The following CWC27 variants were observed in gnomAD, a reference collection of about 807,000 sequenced individuals.
CWC27 encodes the protein CWC27 spliceosome associated cyclophilin, also known as spliceosome-associated protein CWC27 homolog.
CWC27 carries 47 observed loss-of-function variants against 63.6 expected under a neutral mutation model. That is an observed-to-expected ratio of 0.74 (90% CI 0.58 to 0.94). CWC27 has a LOEUF of 0.94. Ranked by LOEUF, CWC27 falls within the 40% of genes least tolerant of loss-of-function variation. The pLI is 0.00. For missense variants in CWC27, 495 were observed against 554.3 expected, an observed-to-expected ratio of 0.89 and a Z score of 1.07; for synonymous variants, 175 against 179.8, an observed-to-expected ratio of 0.97 and a Z score of 0.22.
chr5:64,782,708 G>C (rs1020545635), intron 3 of CWC27, among the ~76,000 whole-genome samples: 1 of 151,958 alleles, frequency 6.6e-6, no homozygotes, highest in Non-Finnish European at 1.5e-5. Context: ...TGAAAAATTC[G>C]TTTTTATATT....
intron 10 of CWC27, among the ~76,000 whole-genome samples, chr5:64,808,888 G>A (rs1744781226): frequency 6.6e-6 from 1 of 152,156 alleles, no homozygotes; most frequent in Admixed American, 6.5e-5. Context: ...CTGGTCTGAG[G>A]TAAAGTCTGG....
At chr5:64,928,433 G>T (rs1748164382) in intron 11 of CWC27, among the ~76,000 whole-genome samples, 1 of 152,162 alleles carries the variant, frequency 6.6e-6, no homozygotes, top group South Asian at 2.1e-4. Flanking sequence ...CAATCTCTGT[G>T]TTGCAGGCTA....
At chr5:65,000,265 T>C (rs984446411) in intron 13 of CWC27, among the ~76,000 whole-genome samples, 5 of 152,114 alleles carry the variant, frequency 3.3e-5, no homozygotes, top group African/African-American at 4.8e-5. Flanking sequence ...TTCATAAATA[T>C]TTTCTACATT....
chr5:64,954,048 A>T (rs914886327), intron 11 of CWC27, among the ~76,000 whole-genome samples: 1 of 152,208 alleles, frequency 6.6e-6, no homozygotes, highest in African/African-American at 2.4e-5. Flanking sequence ...ATATTTATCA[A>T]ATGTGAGATA....
In CWC27 at chr5:64,790,073, G is replaced by C. The variant is rs139138511; in HGVS notation, c.669+1053G>C. 2.5e-3 allele frequency among the ~76,000 whole-genome samples: 380 copies of C among 152,160 alleles called. 1 individual carries two copies. Among genetic ancestry groups the C allele is most frequent in the African/African-American group, 8.6e-3 (359 of 41,528 alleles). ...CTTGCATTAAAATGTAATTAAAATG[G>C]TGTGTATATGAAATATTTTGGTCAT... On this transcript the variant is annotated intron_variant, in intron 7 of 13. Transcript: ENST00000381070.
At chr5:64,953,333 A>G (rs748892323) in intron 11 of CWC27, among the ~76,000 whole-genome samples, 2 of 152,142 alleles carry the variant, frequency 1.3e-5, no homozygotes, top group African/African-American at 2.4e-5. Flanking sequence ...TGTGTTTTCT[A>G]TATCAGAAAG....
At chr5:64,796,997 A>G (rs1449892934) in intron 7 of CWC27, among the ~76,000 whole-genome samples, 2 of 121,216 alleles carry the variant, frequency 1.6e-5, no homozygotes, top group East Asian at 4.7e-4. Flanking sequence ...CCTGTATTCT[A>G]TTTAGTCCCT....
intron 9 of CWC27, among the ~76,000 whole-genome samples, chr5:64,802,302 A>C (rs778254211): frequency 3.9e-5 from 6 of 152,192 alleles, no homozygotes; most frequent in Non-Finnish European, 7.3e-5. Flanking sequence ...GGTCCGAAGC[A>C]GGAGAGTTTG....
At chr5:64,995,906 TA>T (rs1164961063) in intron 13 of CWC27, among the ~76,000 whole-genome samples, 1 of 152,194 alleles carries the variant, frequency 6.6e-6, no homozygotes, top group Non-Finnish European at 1.5e-5. Context: ...ATGGAGTCAA[TA>T]AAAAGGCCTA....
At chr5:64,881,034 GGAT>G (rs948188904) in intron 10 of CWC27, among the ~76,000 whole-genome samples, 4 of 151,708 alleles carry the variant, frequency 2.6e-5, no homozygotes, top group African/African-American at 9.7e-5. Flanking sequence ...CCAGTGGATA[GGAT>G]GATATTCCAA....
At chr5:64,844,568 G>T (rs930478492) in intron 10 of CWC27, among the ~76,000 whole-genome samples, 1 of 152,186 alleles carries the variant, frequency 6.6e-6, no homozygotes, top group South Asian at 2.1e-4. Context: ...GAGAAGTCAA[G>T]CAGCAGCTCC....
chr5:64,922,472 C>T (rs1052033323), intron 11 of CWC27, among the ~76,000 whole-genome samples: 3 of 152,190 alleles, frequency 2.0e-5, no homozygotes, highest in Non-Finnish European at 1.5e-5. Flanking sequence ...TTTTTCATAT[C>T]CAGAAGTTCA....
intron 11 of CWC27, among the ~76,000 whole-genome samples, chr5:64,945,749 G>A (rs1308671086): frequency 6.6e-6 from 1 of 152,166 alleles, no homozygotes; most frequent in Non-Finnish European, 1.5e-5. Flanking sequence ...AATGGTAACA[G>A]TCAATATGAA....
chr5:64,959,516 T>C (rs1013185684), intron 11 of CWC27, among the ~76,000 whole-genome samples: 1 of 152,152 alleles, frequency 6.6e-6, no homozygotes, highest in African/African-American at 2.4e-5. Flanking sequence ...AAAACCACAA[T>C]GAATGGCTGC....
chr5:64,857,381 A>G (rs1580678633), intron 10 of CWC27, among the ~76,000 whole-genome samples: 1 of 152,250 alleles, frequency 6.6e-6, no homozygotes, highest in Non-Finnish European at 1.5e-5. Context: ...AAAAAAGTGG[A>G]CTCCTGAAAA....
chr5:64,911,143 A>T (rs979833392), intron 11 of CWC27, among the ~76,000 whole-genome samples: 1 of 152,152 alleles, frequency 6.6e-6, no homozygotes, highest in Non-Finnish European at 1.5e-5. Flanking sequence ...TGCAAACTTG[A>T]GGATTGATTC....
At chr5:64,866,755 G>A (rs1746539852) in intron 10 of CWC27, among the ~76,000 whole-genome samples, 1 of 152,028 alleles carries the variant, frequency 6.6e-6, no homozygotes, top group Non-Finnish European at 1.5e-5. Flanking sequence ...CCATGTGGTT[G>A]GAGAACATCA....
chr5:64,787,408 C>CTTGTTTGTTT (rs1307140829), intron 6 of CWC27, among the ~76,000 whole-genome samples: 2 of 151,896 alleles, frequency 1.3e-5, no homozygotes, highest in African/African-American at 2.4e-5. Flanking sequence ...TGTTGAGAAA[C>CTTGTTTGTTT]TTGTTTGTTG....
chr5:64,869,004 T>A (rs763222849), intron 10 of CWC27, among the ~76,000 whole-genome samples: 4 of 152,092 alleles, frequency 2.6e-5, no homozygotes. Flanking sequence ...TATGTGTATG[T>A]ACACATACTT....
Sources: allele counts gnomAD v4.1 joint callset (sites outside exome capture counted in the v4.1 genomes callset), GRCh38; gene constraint gnomAD v4.1.1; transcripts MANE v1.5; gene names NCBI Gene and HGNC (gene_info 2026-07-23, HGNC 2026-07-21).